CGNL1: variants seen among roughly 807,000 people sequenced by gnomAD.
CGNL1 encodes the protein cingulin like 1.
CGNL1 carries 132 observed loss-of-function variants against 141.2 expected under a neutral mutation model. The ratio of observed to expected loss-of-function variants is 0.93; its 90% CI spans 0.81 to 1.08. The LOEUF is 1.08. Among genes scored for constraint, CGNL1 ranks in the 50% least tolerant of loss-of-function variants. The pLI, the probability that CGNL1 is intolerant of heterozygous loss-of-function variation, is 0.00. For synonymous variants in CGNL1, 690 were observed against 622.1 expected (o/e 1.11, Z -1.63); for missense variants, 1,870 against 1,588.6 (o/e 1.18, Z -3.01).
At chr15:57,524,890 G>A in intron 12 of CGNL1, 139 bp downstream of exon 12, 1 of 831,448 alleles carries the variant, frequency 1.2e-6, no homozygotes, top group Non-Finnish European at 1.8e-6. Context: ...CCTTCTGGAT[G>A]GGTTCCGTGG....
intron 8 of CGNL1, among the ~76,000 whole-genome samples, chr15:57,464,261 T>G (rs1170073809): frequency 6.6e-6 from 1 of 152,150 alleles, no homozygotes; most frequent in Admixed American, 6.5e-5. Context: ...AGCTTAGAGT[T>G]GCCAGTGAGA....
chr15:57,502,891 C>T (rs1410290728), intron 8 of CGNL1, among the ~76,000 whole-genome samples: 2 of 152,156 alleles, frequency 1.3e-5, no homozygotes, highest in Non-Finnish European at 2.9e-5. Flanking sequence ...AGGTCACAGA[C>T]CGACCCAGGG....
At chr15:57,485,761 C>A (rs2063777450) in intron 8 of CGNL1, among the ~76,000 whole-genome samples, 1 of 152,106 alleles carries the variant, frequency 6.6e-6, no homozygotes, top group Admixed American at 6.5e-5. Flanking sequence ...CTTTTGACAC[C>A]ACCTTTTTCC....
At chr15:57,417,296 G>C (rs1232361241) in intron 1 of CGNL1, among the ~76,000 whole-genome samples, 2 of 151,912 alleles carry the variant, frequency 1.3e-5, no homozygotes, top group African/African-American at 4.8e-5. Context: ...TGCAGTGGTG[G>C]GATCTTAGCT....
chr15:57,441,152 T>C (rs1258168738), intron 3 of CGNL1, among the ~76,000 whole-genome samples: 3 of 152,106 alleles, frequency 2.0e-5, no homozygotes, highest in Admixed American at 6.5e-5. Flanking sequence ...ATCAAAATAC[T>C]GTATATTTTT....
intron 1 of CGNL1, among the ~76,000 whole-genome samples, chr15:57,417,012 C>G (rs1463499441): frequency 2.6e-5 from 4 of 152,080 alleles, no homozygotes; most frequent in Admixed American, 2.0e-4. Flanking sequence ...TCTGGGTGAC[C>G]CTGGGCAAGT....
chr15:57,493,796 C>T (rs1316720398), intron 8 of CGNL1, among the ~76,000 whole-genome samples: 1 of 152,222 alleles, frequency 6.6e-6, no homozygotes, highest in African/African-American at 2.4e-5. Flanking sequence ...TTCTTTCCAT[C>T]TGCTATGGTT....
rs749546744 is a variant in CGNL1 at position 57,452,298 on chromosome 15, TG to T, written c.2054+12del. The stretch of plus-strand genomic sequence containing the variant: ...CGGAAGAATCTGGAGGAGTAAGTTC[TG>T]GGCTGAGAGCCTGTTGCCCTTCCCA... On this transcript the variant is annotated intron_variant, in intron 6 of 18. Transcript: ENST00000281282. 67 of 1,611,278 alleles carry T rather than the reference TG, an allele frequency of 4.2e-5. No homozygotes were observed. Among genetic ancestry groups the T allele is most frequent in the Non-Finnish European group, 5.4e-5 (64 of 1,178,830 alleles).
At chr15:57,426,614 T>A (rs1293333327) in intron 1 of CGNL1, among the ~76,000 whole-genome samples, 1 of 15,272 alleles carries the variant, frequency 6.5e-5, no homozygotes, top group Admixed American at 5.7e-4. Context: ...GCTTGGCTAT[T>A]TTTTTTTTTT....
At chr15:57,466,280 G>C (rs1178923903) in intron 8 of CGNL1, among the ~76,000 whole-genome samples, 2 of 151,992 alleles carry the variant, frequency 1.3e-5, no homozygotes, top group Admixed American at 6.5e-5. Context: ...CCTTGGGTTC[G>C]TGGCCATGGC....
chr15:57,461,440 C>T (rs529602242), intron 7 of CGNL1, among the ~76,000 whole-genome samples: 137 of 152,142 alleles, frequency 9.0e-4, no homozygotes, highest in Non-Finnish European at 1.5e-3. Flanking sequence ...CCCTTTCTCC[C>T]TCAAATTCAA....
At chr15:57,518,531 A>G in intron 10 of CGNL1, 34 bp downstream of exon 10, 1 of 1,425,290 alleles carries the variant, frequency 7.0e-7, no homozygotes, top group Non-Finnish European at 9.8e-7. Flanking sequence ...TTACTCCCTC[A>G]AGAAGAATGC....
rs143041809 is a variant in CGNL1, at chr15:57,530,881, C to T, written c.3202-809C>T. On this transcript the variant is annotated intron_variant, in intron 13 of 18. Coordinates refer to ENST00000281282, the MANE Select transcript of CGNL1 (RefSeq NM_032866.5). Reference sequence around the variant, plus strand: ...AGACAATATTTATATACAAATGCTGCAGGTTCACATTTAAAACTTGGAATG... The same window carrying T: ...AGACAATATTTATATACAAATGCTGTAGGTTCACATTTAAAACTTGGAATG... 1.6e-3 allele frequency among the ~76,000 whole-genome samples: 244 copies of T among 152,322 alleles called. 3 individuals carry two copies. The highest frequency in any genetic ancestry group is 5.6e-3 in the African/African-American group (233 of 41,576).
At chr15:57,444,566 C>G (rs551020265) in intron 4 of CGNL1, among the ~76,000 whole-genome samples, 1 of 152,296 alleles carries the variant, frequency 6.6e-6, no homozygotes, top group African/African-American at 2.4e-5. Flanking sequence ...GGGTCACAGA[C>G]TAGGGGTGAA....
chr15:57,433,100 CCA>C (rs2063064284), intron 1 of CGNL1, among the ~76,000 whole-genome samples: 1 of 152,156 alleles, frequency 6.6e-6, no homozygotes, highest in Non-Finnish European at 1.5e-5. Flanking sequence ...TTAGTAAATA[CCA>C]CACACAAAAA....
At chr15:57,394,688 T>G (rs4774261) in intron 1 of CGNL1, among the ~76,000 whole-genome samples, 45,639 of 152,118 alleles carry the variant, frequency 0.3, 7,217 homozygotes, top group African/African-American at 0.4. Context: ...GAACTAACCA[T>G]TTCTGACCCT....
Position 57,516,110 on chromosome 15 carries a change from C to G in CGNL1, c.2404-670C>G, listed in dbSNP as rs560951562. 7.8e-3 allele frequency among the ~76,000 whole-genome samples: 1,069 copies of G among 137,600 alleles called. 5 individuals are homozygous for G. Among genetic ancestry groups the G allele is most frequent in the Non-Finnish European group, 0.011 (746 of 65,578 alleles). 90.3% of individuals were successfully genotyped at this position (137,600 alleles called of 152,430 possible). On this transcript the variant is annotated intron_variant, in intron 8 of 18. Transcript: ENST00000281282. Reference sequence around the variant, plus strand: ...GGAGGCGGAGCTTGCAGTGAGCCGACATCGCGCCACTGCACTCCAGCCTGG... The same window carrying G: ...GGAGGCGGAGCTTGCAGTGAGCCGAGATCGCGCCACTGCACTCCAGCCTGG...
intron 8 of CGNL1, among the ~76,000 whole-genome samples, chr15:57,505,535 C>T (rs1443393741): frequency 6.6e-5 from 10 of 152,174 alleles, no homozygotes; most frequent in Admixed American, 6.5e-4. Context: ...CTGGTCTGCT[C>T]AGCTCTGTCT....
Position 57,438,699 on chromosome 15 carries a change from T to C in CGNL1, c.700T>C (p.Cys234Arg). The stretch of plus-strand genomic sequence containing the variant: ...GGACCCCAAAAAGCAGACCTCAGTG[T>C]GTGTAAACGTTCAGAGCTGCACCAA... ...IEDPKKQTSVCVNVQSCTKER... is the reference protein window; with the variant it reads ...IEDPKKQTSVRVNVQSCTKER... Residue 234 changes from cysteine (C) to arginine (R), a missense_variant, in exon 2 of 19, where the codon TGT (cysteine) becomes CGT (arginine). Coordinates refer to ENST00000281282, the MANE Select transcript of CGNL1 (RefSeq NM_032866.5). The C allele has an allele frequency of 6.2e-7, 1 of 1,614,140 alleles. No individual in the cohort carries two copies. The highest frequency in any genetic ancestry group is 1.1e-5 in the South Asian group (1 of 91,072).
Sources: gnomAD v4.1 joint callset for allele counts (sites outside exome capture counted in the v4.1 genomes callset) on GRCh38, gnomAD v4.1.1 for gene constraint, MANE v1.5 for transcripts, NCBI Gene and HGNC (gene_info 2026-07-23, HGNC 2026-07-21) for gene names.